The following AQR variants were observed in gnomAD, a reference collection of about 807,000 sequenced individuals.
The protein encoded by AQR is aquarius intron-binding spliceosomal factor.
AQR carries 61 observed loss-of-function variants against 180.5 expected under a neutral mutation model. That is an observed-to-expected ratio of 0.34 (90% confidence interval 0.28 to 0.42). AQR has a LOEUF of 0.42. AQR is among the 10% of genes least tolerant of loss of function. The pLI is 1.00. For missense variants in AQR, 1,281 were observed against 1,798.3 expected (o/e 0.71, Z 5.20); for synonymous variants, 551 against 588.8 (o/e 0.94, Z 0.93).
intron 2 of AQR, among the ~76,000 whole-genome samples, chr15:34,961,364 C>T (rs2050276051): frequency 6.6e-6 from 1 of 151,978 alleles, no homozygotes; most frequent in Admixed American, 6.6e-5. Context: ...GTAATCCGAG[C>T]ACTTTGGGAG....
chr15:34,915,860 C>G (rs1340109882), intron 15 of AQR, among the ~76,000 whole-genome samples: 1 of 151,708 alleles, frequency 6.6e-6, no homozygotes, highest in Non-Finnish European at 1.5e-5. Flanking sequence ...GCAGGAGAAT[C>G]ACTTGAACCC....
At chr15:34,895,897 T>C (rs757170553) in intron 22 of AQR, among the ~76,000 whole-genome samples, 10 of 152,114 alleles carry the variant, frequency 6.6e-5, no homozygotes, top group Non-Finnish European at 1.5e-4. Context: ...AACAACAGAA[T>C]ACACATTCTT....
chr15:34,958,976 TATAGATATAGATATAG>T (rs1314813811), intron 3 of AQR, among the ~76,000 whole-genome samples: 6 of 2,694 alleles, frequency 2.2e-3, no homozygotes, highest in Non-Finnish European at 7.7e-3. Context: ...CATATAGATA[TATAGATATAGATATAG>T]ATATAGATAT....
At chr15:34,930,993 T>C (rs1289924295) in intron 11 of AQR, among the ~76,000 whole-genome samples, 4 of 151,996 alleles carry the variant, frequency 2.6e-5, no homozygotes, top group Admixed American at 6.6e-5. Flanking sequence ...CCCACCACCA[T>C]GCCTGGCTAA....
Position 34,874,532 on chromosome 15 carries a change from G to A in AQR, c.3425+145C>T, listed in dbSNP as rs922785319. 4.0e-5 allele frequency: 34 copies of A among 855,958 alleles called. No homozygotes were observed. The African/African-American group carries it at 4.7e-4, about 12-fold the overall frequency. 53.0% of individuals were successfully genotyped at this position (855,958 alleles called of 1,614,324 possible). A position where few individuals can be genotyped will look rare whatever the true frequency, so the allele number is the denominator to read the frequency against. On this transcript the variant is annotated intron_variant, in intron 29 of 34. Coordinates refer to ENST00000156471, the MANE Select transcript of AQR (RefSeq NM_014691.3). ...TCCATTCACATCTCTTGCAGAAGTC[G>A]ACAAAAGTGCTTTTGGATTTATGGA...
At chr15:34,936,716 TA>T (rs111758364) in intron 9 of AQR, among the ~76,000 whole-genome samples, 2,446 of 138,862 alleles carry the variant, frequency 0.018, 16 homozygotes, top group Middle Eastern at 0.029. Flanking sequence ...ACTCCATCTT[TA>T]AAAAAAAAAA....
intron 4 of AQR, among the ~76,000 whole-genome samples, chr15:34,951,391 C>T (rs1262931149): frequency 6.6e-6 from 1 of 152,098 alleles, no homozygotes; most frequent in African/African-American, 2.4e-5. Context: ...TTTTCACTGT[C>T]AGCTGGGTGC....
chr15:34,923,771 T>C lies in AQR; in HGVS notation c.1118+3264A>G, dbSNP rs184913850. ...TATTTCTGGACTCTAATCTATTCCA[T>C]TGATCTATACATCTATCCATGTATC... On this transcript the variant is annotated intron_variant, in intron 13 of 34. Coordinates refer to ENST00000156471, the MANE Select transcript of AQR (RefSeq NM_014691.3). Among the ~76,000 whole-genome samples, 104 of 152,326 alleles carry C rather than the reference T, an allele frequency of 6.8e-4. No homozygotes were observed. The Middle Eastern group carries it at 0.01, about 15-fold the overall frequency.
intron 19 of AQR, among the ~76,000 whole-genome samples, chr15:34,902,823 T>C (rs149931431): frequency 2.6e-4 from 39 of 152,252 alleles, no homozygotes; most frequent in African/African-American, 8.9e-4. Flanking sequence ...AAATGTTTAT[T>C]AAGAACATAC....
intron 12 of AQR, 102 bp downstream of exon 12, chr15:34,930,156 T>C (rs1893830574): frequency 3.3e-6 from 2 of 601,216 alleles, no homozygotes; most frequent in Non-Finnish European, 5.7e-6. Flanking sequence ...ATAAAAACAC[T>C]ATTAAATTAA....
At chr15:34,912,105 T>C (rs1893509547) in intron 16 of AQR, among the ~76,000 whole-genome samples, 1 of 152,192 alleles carries the variant, frequency 6.6e-6, no homozygotes, top group Non-Finnish European at 1.5e-5. Context: ...GGTTTACTTC[T>C]GGGCTTTCTG....
At chr15:34,889,427 A>T (rs1893108907) in intron 24 of AQR, among the ~76,000 whole-genome samples, 1 of 152,252 alleles carries the variant, frequency 6.6e-6, no homozygotes, top group Non-Finnish European at 1.5e-5. Flanking sequence ...AAATATGTCC[A>T]GCTGTTAATT....
chr15:34,941,712 G>GA lies in AQR; in HGVS notation c.540+299dup, dbSNP rs1018115797. Among the ~76,000 whole-genome samples the GA allele has an allele frequency of 7.3e-5, 11 of 150,604 alleles. No individual in the cohort carries two copies. In the South Asian group the frequency reaches 2.3e-3, roughly 32 times the overall value. ...CAGCTATATATATACTCTAATCAAG[G>GA]AAAAAAAAATTCAAGTCCACATTTA... On this transcript the variant is annotated intron_variant, in intron 7 of 34. Coordinates refer to ENST00000156471, the MANE Select transcript of AQR (RefSeq NM_014691.3).
In AQR at chr15:34,896,970, C is replaced by T. The variant is rs144662451; in HGVS notation, c.2391-4G>A. 1.2e-3 allele frequency: 1,863 copies of T among 1,608,300 alleles called. 18 individuals are homozygous for T. In the African/African-American group the frequency reaches 0.022, roughly 19 times the overall value. ...ATGAGTGAACTGAATCGTATTACTGCAAATAAGAGTAAATAAAAAGTTGGT... is the reference window on the plus strand; with the variant it reads ...ATGAGTGAACTGAATCGTATTACTGTAAATAAGAGTAAATAAAAAGTTGGT... On this transcript the variant is annotated splice_polypyrimidine_tract_variant and splice_region_variant and intron_variant, in intron 21 of 34. Transcript: ENST00000156471.
intron 18 of AQR, 146 bp downstream of exon 18, chr15:34,906,399 C>G: frequency 1.1e-6 from 1 of 900,190 alleles, no homozygotes; most frequent in East Asian, 2.8e-5. Context: ...ACGGTAGGTA[C>G]CCTACACATA....
chr15:34,868,814 C>T (rs1333777555), intron 31 of AQR: 8 of 152,162 alleles, frequency 5.3e-5, no homozygotes, highest in Admixed American at 5.2e-4. Flanking sequence ...GAGATATATT[C>T]ATGTATGTGT....
intron 32 of AQR, among the ~76,000 whole-genome samples, chr15:34,863,939 T>C (rs561545763): frequency 2.6e-5 from 4 of 152,100 alleles, no homozygotes; most frequent in Admixed American, 6.6e-5. Context: ...AATTTTTGAG[T>C]ACTCTGCAAA....
intron 10 of AQR, among the ~76,000 whole-genome samples, chr15:34,932,719 G>T (rs1025238279): frequency 6.6e-6 from 1 of 152,114 alleles, no homozygotes; most frequent in Non-Finnish European, 1.5e-5. Flanking sequence ...CAGTGCTTTG[G>T]CGTGGCGGGT....
intron 17 of AQR, among the ~76,000 whole-genome samples, chr15:34,907,502 A>T (rs1481318593): frequency 5.9e-5 from 9 of 152,264 alleles, no homozygotes; most frequent in Admixed American, 5.9e-4. Context: ...AAATGTAAAC[A>T]GTCTGCTTGC....
Sources: allele counts gnomAD v4.1 joint callset (sites outside exome capture counted in the v4.1 genomes callset), GRCh38; gene constraint gnomAD v4.1.1; transcripts MANE v1.5; gene names NCBI Gene and HGNC (gene_info 2026-07-23, HGNC 2026-07-21).